The following TDP1 variants were observed in gnomAD, a reference collection of about 807,000 sequenced individuals.
TDP1 encodes tyr-DNA phosphodiesterase 1.
A neutral mutation model predicts 81.5 loss-of-function variants in TDP1; 64 were observed. The observed-to-expected ratio is 0.79, with a 90% CI of 0.64 to 0.97. The LOEUF (loss-of-function observed/expected upper bound fraction) is 0.97, where lower values mean the gene tolerates loss of function less well. Ranked by LOEUF, TDP1 falls within the 50% of genes least tolerant of loss-of-function variation. TDP1 has a pLI of 0.00. For missense variants in TDP1, 723 were observed against 743.8 expected (o/e 0.97, Z 0.33); for synonymous variants, 256 against 264.3 (o/e 0.97, Z 0.30).
In TDP1 at chr14:90,010,905, A is replaced by G. The variant is rs142683586; in HGVS notation, c.1542-8411A>G. Among the ~76,000 whole-genome samples, 379 of 152,318 alleles carry G rather than the reference A, an allele frequency of 2.5e-3. 1 individual carries two copies. Among genetic ancestry groups the G allele is most frequent in the African/African-American group, 8.9e-3 (368 of 41,564 alleles). ...TTGATACTTCACGGAGGTAAACATC[A>G]GCGTTCAGTAGTGATATGGGCTGGC... On this transcript the variant is annotated intron_variant, in intron 14 of 16. Coordinates refer to ENST00000335725, the MANE Select transcript of TDP1 (RefSeq NM_018319.4).
chr14:89,963,580 G>T lies in TDP1; in HGVS notation c.466G>T (p.Asp156Tyr). 1.9e-6 allele frequency: 3 copies of T among 1,613,992 alleles called. No homozygotes were observed. The highest frequency in any genetic ancestry group is 2.5e-6 in the Non-Finnish European group (3 of 1,179,896). ...ETSGEGQDIW[D>Y]MLDKGNPFQF... is the part of the protein sequence containing the mutation. Reference sequence around the variant, plus strand: ...ATCAGGGGAGGGCCAGGACATTTGGGACATGCTGGATAAAGGGAACCCCTT... The same window carrying T: ...ATCAGGGGAGGGCCAGGACATTTGGTACATGCTGGATAAAGGGAACCCCTT... Residue 156 changes from aspartate to tyrosine, a missense_variant, in exon 3 of 17, where the codon GAC becomes TAC. Transcript: ENST00000335725.
Position 89,985,400 on chromosome 14 carries a change from C to A in TDP1, c.1131+190C>A, listed in dbSNP as rs187149991. Among the ~76,000 whole-genome samples, 294 of 152,224 alleles carry A rather than the reference C, an allele frequency of 1.9e-3. 1 individual carries two copies. Among genetic ancestry groups the A allele is most frequent in the Middle Eastern group, 6.8e-3 (2 of 294 alleles). On this transcript the variant is annotated intron_variant, in intron 10 of 16. Transcript: ENST00000335725. ...TTAATGTGTTTTGCCTCTTTTATAG[C>A]TGTAGGCTGTTAATGGCATAAATAT...
intron 15 of TDP1, among the ~76,000 whole-genome samples, chr14:90,021,004 C>T (rs1363132266): frequency 1.3e-5 from 2 of 151,770 alleles, no homozygotes; most frequent in African/African-American, 2.4e-5. Context: ...CCATGTTGGC[C>T]AAGTCTCCAA....
intron 13 of TDP1, 96 bp downstream of exon 13, chr14:89,992,079 GTAATA>G (rs1244595017): frequency 5.0e-5 from 50 of 992,438 alleles, no homozygotes; most frequent in Non-Finnish European, 7.4e-5. Context: ...GGAACTTTAT[GTAATA>G]TAGCTATATT....
chr14:89,997,511 G>C (rs1258288265), intron 14 of TDP1, among the ~76,000 whole-genome samples: 1 of 152,194 alleles, frequency 6.6e-6, no homozygotes, highest in African/African-American at 2.4e-5. Flanking sequence ...GAGACTTCAG[G>C]TGGAATTGTT....
intron 7 of TDP1, 174 bp from the exon 8 acceptor site, chr14:89,980,366 C>T (rs1486131441): frequency 1.1e-6 from 1 of 939,284 alleles, no homozygotes; most frequent in Non-Finnish European, 1.3e-6. Flanking sequence ...CATCCTATCA[C>T]TTAGGCAGAC....
At chr14:89,976,059 A>G (rs1286239431) in intron 7 of TDP1, among the ~76,000 whole-genome samples, 2 of 152,212 alleles carry the variant, frequency 1.3e-5, no homozygotes, top group Non-Finnish European at 2.9e-5. Flanking sequence ...TCCTTGGGCC[A>G]GTAGTGGAGA....
At chr14:90,012,560 C>A (rs1299238006) in intron 14 of TDP1, among the ~76,000 whole-genome samples, 1 of 151,994 alleles carries the variant, frequency 6.6e-6, no homozygotes, top group Non-Finnish European at 1.5e-5. Context: ...GTTTCCCAAA[C>A]CTCAATTCTT....
At chr14:89,977,617 G>A (rs544115279) in intron 7 of TDP1, among the ~76,000 whole-genome samples, 1 of 152,300 alleles carries the variant, frequency 6.6e-6, no homozygotes, top group Non-Finnish European at 1.5e-5. Flanking sequence ...AATGTTTTAA[G>A]AATTAAATAC....
Position 90,043,077 on chromosome 14 carries a change from A to ATGGATATGGAACATTCCT in TDP1, c.1763_1780dup (p.Trp588_Pro593dup). ...AATGTGTTTTTCCCCCAGATCGGCC[A>ATGGATATGGAACATTCCT]TGGATATGGAACATTCCTTATGTCA... On this transcript the variant is annotated inframe_insertion, in exon 17 of 17. Coordinates refer to ENST00000335725, the MANE Select transcript of TDP1 (RefSeq NM_018319.4). The ATGGATATGGAACATTCCT allele has an allele frequency of 6.2e-7, 1 of 1,614,182 alleles. No homozygotes were observed. Among genetic ancestry groups the ATGGATATGGAACATTCCT allele is most frequent in the Non-Finnish European group, 8.5e-7 (1 of 1,180,022 alleles).
At chr14:89,984,372 T>C in intron 8 of TDP1, 144 bp from the exon 9 acceptor site, 1 of 1,549,398 alleles carries the variant, frequency 6.5e-7, no homozygotes, top group Non-Finnish European at 8.7e-7. Flanking sequence ...TGTTCTCAGA[T>C]TTATGTTTCA....
At chr14:90,014,045 C>G (rs1885027872) in intron 14 of TDP1, among the ~76,000 whole-genome samples, 1 of 152,280 alleles carries the variant, frequency 6.6e-6, no homozygotes, top group East Asian at 1.9e-4. Context: ...TACTTAATAT[C>G]ATTAGTAATC....
chr14:90,040,066 A>G (rs1202238614), intron 16 of TDP1, among the ~76,000 whole-genome samples: 1 of 151,960 alleles, frequency 6.6e-6, no homozygotes, highest in Non-Finnish European at 1.5e-5. Context: ...TGGGACAGAG[A>G]CTCTGTATAT....
chr14:89,965,492 A>G (rs1257069668), intron 3 of TDP1, among the ~76,000 whole-genome samples: 1 of 152,202 alleles, frequency 6.6e-6, no homozygotes, highest in Non-Finnish European at 1.5e-5. Flanking sequence ...GGCATCTAAC[A>G]GGTCTCCACA....
chr14:89,966,950 G>A, intron 4 of TDP1: 28 of 983,818 alleles, frequency 2.8e-5, no homozygotes, highest in Non-Finnish European at 3.4e-5. Context: ...AGCCTGAAAG[G>A]AAATGTTCTT....
chr14:90,022,808 C>G, intron 15 of TDP1: 1 of 978,066 alleles, frequency 1.0e-6, no homozygotes, highest in Non-Finnish European at 1.2e-6. Context: ...TTGAGGATGA[C>G]CCAGAGATTT....
intron 14 of TDP1, among the ~76,000 whole-genome samples, chr14:89,998,496 C>T (rs1346051366): frequency 6.8e-6 from 1 of 146,628 alleles, no homozygotes; most frequent in Non-Finnish European, 1.5e-5. Flanking sequence ...TATAGCCGTT[C>T]TACAGTGTAT....
chr14:89,992,010 A>G (rs368033978), intron 13 of TDP1, 27 bp downstream of exon 13: 36 of 1,591,942 alleles, frequency 2.3e-5, no homozygotes, highest in African/African-American at 1.3e-4. Context: ...GACTGCTGCT[A>G]TTGCTTCTTT....
intron 15 of TDP1, chr14:90,022,761 C>T: frequency 3.0e-6 from 3 of 985,384 alleles, no homozygotes; most frequent in Non-Finnish European, 3.6e-6. Context: ...TAGACCTTTG[C>T]TTGGCCTTCA....
Sources: gnomAD v4.1 joint callset for allele counts (sites outside exome capture counted in the v4.1 genomes callset) on GRCh38, gnomAD v4.1.1 for gene constraint, MANE v1.5 for transcripts, NCBI Gene and HGNC (gene_info 2026-07-23, HGNC 2026-07-21) for gene names.